Variants in ACTR3C observed in about 807,000 individuals in gnomAD.
ACTR3C encodes the protein actin-related protein 3C.
Under a neutral mutation model 26.3 loss-of-function variants are expected in ACTR3C, and 18 were observed. The observed-to-expected ratio is 0.68, with a 90% confidence interval of 0.47 to 1.01. The LOEUF is 1.01. Ranked by LOEUF, ACTR3C falls within the 50% of genes least tolerant of loss-of-function variation. The pLI is 0.00. For synonymous variants in ACTR3C, 55 were observed against 94.5 expected (o/e 0.58, Z 2.42); for missense variants, 184 against 250.7 (o/e 0.73, Z 1.80).
chr7:150,178,566 G>A, the ACTR3C span, among the ~76,000 whole-genome samples: 2 of 150,344 alleles, frequency 1.3e-5, no homozygotes, highest in Non-Finnish European at 2.9e-5. Context: ...TTACAGGTGT[G>A]AGCCACTGCA....
chr7:150,036,164 C>T, the ACTR3C span, among the ~76,000 whole-genome samples: 15 of 137,368 alleles, frequency 1.1e-4, 2 homozygotes, highest in South Asian at 6.7e-4. Flanking sequence ...GGGTGCCTCC[C>T]CCCCCGCGAT....
At chr7:150,137,765 A>G in the ACTR3C span, among the ~76,000 whole-genome samples, 1 of 152,244 alleles carries the variant, frequency 6.6e-6, no homozygotes. Context: ...AAGGATGTGT[A>G]TTAGCGTGTG....
At chr7:150,295,220 G>C (rs1384709853) in intron 2 of ACTR3C, 32 bp downstream of exon 2, 1 of 1,611,448 alleles carries the variant, frequency 6.2e-7, no homozygotes. Context: ...CAGCTCAGGT[G>C]CTTTAGGAAT....
At chr7:150,140,192 C>G in the ACTR3C span, among the ~76,000 whole-genome samples, 1 of 152,228 alleles carries the variant, frequency 6.6e-6, no homozygotes, top group African/African-American at 2.4e-5. Context: ...CTCTTTCCAG[C>G]TTTCACCTTC....
chr7:150,252,403 G>A (rs1320313345), intron 6 of ACTR3C, among the ~76,000 whole-genome samples: 3 of 152,080 alleles, frequency 2.0e-5, no homozygotes, highest in Non-Finnish European at 2.9e-5. Flanking sequence ...GAGCTTACTG[G>A]CCTGTCCATA....
chr7:149,935,752 C>T, the ACTR3C span, among the ~76,000 whole-genome samples: 2 of 150,918 alleles, frequency 1.3e-5, no homozygotes, highest in Non-Finnish European at 2.9e-5. Flanking sequence ...ATAAAACCAA[C>T]AAGGATACAG....
At chr7:150,307,757 C>A (rs962363080) in intron 1 of ACTR3C, among the ~76,000 whole-genome samples, 4 of 152,206 alleles carry the variant, frequency 2.6e-5, no homozygotes, top group African/African-American at 9.7e-5. Flanking sequence ...AATCGCCTGT[C>A]CTCCTGCTCT....
At chr7:150,172,388 C>T in the ACTR3C span, among the ~76,000 whole-genome samples, 4 of 150,600 alleles carry the variant, frequency 2.7e-5, no homozygotes, top group Non-Finnish European at 4.4e-5. Context: ...GTGGAAACCC[C>T]TGATAAACAC....
chr7:150,045,549 A>G, the ACTR3C span, among the ~76,000 whole-genome samples: 75 of 150,962 alleles, frequency 5.0e-4, no homozygotes, highest in African/African-American at 1.4e-3. Context: ...ACCCACACAC[A>G]TTGTGTATTT....
chr7:150,062,703 G>A, the ACTR3C span, among the ~76,000 whole-genome samples: 2 of 140,976 alleles, frequency 1.4e-5, no homozygotes, highest in Non-Finnish European at 3.1e-5. Flanking sequence ...AGGTGAGTAT[G>A]AAAAGAGAAA....
the ACTR3C span, among the ~76,000 whole-genome samples, chr7:150,206,867 A>G: frequency 1.3e-5 from 2 of 152,206 alleles, no homozygotes; most frequent in African/African-American, 4.8e-5. Context: ...ATGGAAGAAG[A>G]TATTAAAAGT....
intron 6 of ACTR3C, among the ~76,000 whole-genome samples, chr7:150,277,071 C>T (rs1041452483): frequency 2.0e-5 from 3 of 152,254 alleles, no homozygotes; most frequent in Non-Finnish European, 2.9e-5. Context: ...GAGATTTCCT[C>T]GAGAAGGAAT....
chr7:150,041,751 GGGGGGGGA>G, the ACTR3C span, among the ~76,000 whole-genome samples: 1 of 48,862 alleles, frequency 2.0e-5, no homozygotes, highest in African/African-American at 1.3e-4. Context: ...CTAAGAGCCA[GGGGGGGGA>G]AGAGGGACTG....
At chr7:150,072,563 C>T in the ACTR3C span, among the ~76,000 whole-genome samples, 32 of 144,594 alleles carry the variant, frequency 2.2e-4, no homozygotes, top group East Asian at 4.5e-4. Flanking sequence ...GGACCCAGGA[C>T]GCCTGGGCAC....
At chr7:150,033,835 G>A in the ACTR3C span, among the ~76,000 whole-genome samples, 367 of 150,444 alleles carry the variant, frequency 2.4e-3, 1 homozygote, top group African/African-American at 9.0e-3. Context: ...CCTGCCTCGT[G>A]GGGGGTGCCT....
At chr7:150,142,525 GT>G in the ACTR3C span, among the ~76,000 whole-genome samples, 2 of 152,082 alleles carry the variant, frequency 1.3e-5, no homozygotes, top group Non-Finnish European at 2.9e-5. Context: ...CTATTTGCTT[GT>G]TTTTTTGTTT....
the ACTR3C span, among the ~76,000 whole-genome samples, chr7:149,900,149 T>C: frequency 6.6e-6 from 1 of 150,938 alleles, no homozygotes; most frequent in Admixed American, 6.6e-5. Flanking sequence ...CAGTCCATTA[T>C]TTTTGTTGTT....
chr7:150,090,277 G>A, the ACTR3C span, among the ~76,000 whole-genome samples: 3 of 152,224 alleles, frequency 2.0e-5, no homozygotes, highest in African/African-American at 4.8e-5. Context: ...AGTGGTCTGG[G>A]GTGGAGAGTT....
chr7:150,204,176 C>G, the ACTR3C span, among the ~76,000 whole-genome samples: 1 of 147,294 alleles, frequency 6.8e-6, no homozygotes, highest in Non-Finnish European at 1.5e-5. Flanking sequence ...GAGCCTGAAA[C>G]GGGTGCTTTG....
Sources: gnomAD v4.1 joint callset for allele counts (sites outside exome capture counted in the v4.1 genomes callset) on GRCh38, gnomAD v4.1.1 for gene constraint, MANE v1.5 for transcripts, NCBI Gene and HGNC (gene_info 2026-07-23, HGNC 2026-07-21) for gene names.